Variants in PTPRD observed in about 807,000 individuals in gnomAD.
PTPRD encodes the protein receptor-type tyrosine-protein phosphatase delta.
PTPRD carries 34 observed loss-of-function variants against 214.5 expected under a neutral mutation model. The ratio of observed to expected loss-of-function variants is 0.16; its 90% CI spans 0.12 to 0.21. The LOEUF is 0.21. PTPRD is among the 10% of genes least tolerant of loss of function. The pLI is 1.00. For synonymous variants in PTPRD, 1,128 were observed against 845.7 expected, an observed-to-expected ratio of 1.33 and a Z score of -5.79; for missense variants, 2,545 against 2,398.7, an observed-to-expected ratio of 1.06 and a Z score of -1.27.
chr9:10,515,661 G>A (rs1045193286), intron 2 of PTPRD, among the ~76,000 whole-genome samples: 2 of 151,764 alleles, frequency 1.3e-5, no homozygotes, highest in African/African-American at 4.8e-5. Flanking sequence ...GTTAACTCTA[G>A]GCATGATATT....
At chr9:10,138,896 C>T (rs1386482191) in intron 3 of PTPRD, among the ~76,000 whole-genome samples, 1 of 151,946 alleles carries the variant, frequency 6.6e-6, no homozygotes, top group African/African-American at 2.4e-5. Context: ...AGGAACATAG[C>T]TCAAAATAAT....
intron 2 of PTPRD, among the ~76,000 whole-genome samples, chr9:10,363,221 G>A (rs2097430326): frequency 6.6e-6 from 1 of 152,146 alleles, no homozygotes; most frequent in African/African-American, 2.4e-5. Flanking sequence ...GAGGCCTGAA[G>A]TTCCACATTT....
intron 23 of PTPRD, among the ~76,000 whole-genome samples, chr9:8,503,499 T>A (rs1293490527): frequency 6.6e-6 from 1 of 152,098 alleles, no homozygotes; most frequent in East Asian, 1.9e-4. Context: ...TTAATAATAA[T>A]AAGCCACCAA....
At chr9:9,978,959 T>C (rs1382741877) in intron 4 of PTPRD, among the ~76,000 whole-genome samples, 1 of 151,990 alleles carries the variant, frequency 6.6e-6, no homozygotes, top group Non-Finnish European at 1.5e-5. Flanking sequence ...TCAGAAATCA[T>C]ACAAGCCAGA....
At chr9:10,302,002 T>C (rs564059130) in intron 3 of PTPRD, among the ~76,000 whole-genome samples, 1 of 151,946 alleles carries the variant, frequency 6.6e-6, no homozygotes, top group East Asian at 1.9e-4. Flanking sequence ...AAGGAAAAAA[T>C]GTTAAGGGCA....
At position 8,465,580 on chromosome 9, in the gene PTPRD, G is replaced by T. The variant is rs41281787; in HGVS notation, c.3600C>A (p.Pro1200=). 3,221 of 1,612,568 alleles carry T rather than the reference G, an allele frequency of 2.0e-3. 57 individuals carry two copies. The South Asian group carries it at 0.026, about 13-fold the overall frequency. The change falls in exon 32 of 46, where the codon CCC becomes CCA. Residue 1200 remains proline (P), a synonymous_variant. Coordinates refer to ENST00000381196, the MANE Select transcript of PTPRD (RefSeq NM_002839.4). ...PYIAAHFDVL[P]TEFTLGDDKH... is the part of the protein sequence containing the mutation. ...TGTCATCCCCCAGGGTGAACTCAGT[G>T]GGAAGGACATCAAAGTGAGCGGCAA...
At chr9:9,570,837 C>T (rs1016605473) in intron 8 of PTPRD, among the ~76,000 whole-genome samples, 1 of 151,516 alleles carries the variant, frequency 6.6e-6, no homozygotes, top group Admixed American at 6.6e-5. Flanking sequence ...ATCCCAAGCT[C>T]TTCAAATATC....
intron 42 of PTPRD, 27 bp from the exon 43 acceptor site, chr9:8,339,074 A>T (rs2132242991): frequency 6.2e-7 from 1 of 1,602,956 alleles, no homozygotes; most frequent in Non-Finnish European, 8.5e-7. Flanking sequence ...TTAATGTTAA[A>T]CTATGCAAAG....
intron 8 of PTPRD, among the ~76,000 whole-genome samples, chr9:9,539,374 T>C (rs1044372636): frequency 1.3e-5 from 2 of 151,810 alleles, no homozygotes; most frequent in African/African-American, 2.4e-5. Context: ...ATCGTGATAA[T>C]ATGGGAGGCT....
At chr9:9,282,310 T>C (rs1948006925) in intron 9 of PTPRD, among the ~76,000 whole-genome samples, 1 of 151,214 alleles carries the variant, frequency 6.6e-6, no homozygotes, top group African/African-American at 2.4e-5. Flanking sequence ...TGGGGCAGGA[T>C]ATGTAGGTGT....
chr9:9,484,274 C>T (rs1040663588), intron 8 of PTPRD, among the ~76,000 whole-genome samples: 3 of 151,614 alleles, frequency 2.0e-5, no homozygotes, highest in Admixed American at 2.0e-4. Flanking sequence ...CAAAAAATGT[C>T]ATTTTGAATG....
intron 2 of PTPRD, among the ~76,000 whole-genome samples, chr9:10,377,359 T>C (rs1007418055): frequency 1.3e-5 from 2 of 151,994 alleles, no homozygotes; most frequent in East Asian, 3.9e-4. Flanking sequence ...GTTACATATG[T>C]ATACATGTGC....
chr9:8,840,652 A>T (rs2097540459), intron 11 of PTPRD, among the ~76,000 whole-genome samples: 1 of 152,230 alleles, frequency 6.6e-6, no homozygotes, highest in African/African-American at 2.4e-5. Flanking sequence ...GTTTTTAATC[A>T]GAATGTGAAC....
At chr9:8,595,804 T>A (rs1022590790) in intron 14 of PTPRD, among the ~76,000 whole-genome samples, 1 of 152,208 alleles carries the variant, frequency 6.6e-6, no homozygotes, top group African/African-American at 2.4e-5. Flanking sequence ...GAAAAAGTAA[T>A]GATGCGTAAT....
intron 11 of PTPRD, among the ~76,000 whole-genome samples, chr9:8,762,596 G>A (rs750715543): frequency 6.6e-6 from 1 of 152,022 alleles, no homozygotes; most frequent in African/African-American, 2.4e-5. Context: ...CAGATGAACG[G>A]GCTCCTTCAA....
At chr9:8,369,364 G>T (rs1246397233) in intron 39 of PTPRD, among the ~76,000 whole-genome samples, 3 of 151,924 alleles carry the variant, frequency 2.0e-5, no homozygotes, top group African/African-American at 7.2e-5. Flanking sequence ...TATGAATATG[G>T]CCTACATAGT....
intron 9 of PTPRD, among the ~76,000 whole-genome samples, chr9:9,387,268 C>T (rs1376385051): frequency 2.0e-5 from 3 of 152,104 alleles, no homozygotes; most frequent in South Asian, 4.1e-4. Context: ...TTTAATAATA[C>T]AAGTTGGTTT....
chr9:9,688,540 C>T (rs1205794839), intron 7 of PTPRD, among the ~76,000 whole-genome samples: 1 of 151,770 alleles, frequency 6.6e-6, no homozygotes, highest in Non-Finnish European at 1.5e-5. Flanking sequence ...AGGTATACAA[C>T]AGTCATAAAT....
intron 3 of PTPRD, among the ~76,000 whole-genome samples, chr9:10,238,088 A>G (rs2099634959): frequency 6.6e-6 from 1 of 151,394 alleles, no homozygotes; most frequent in Non-Finnish European, 1.5e-5. Context: ...AAATAGAGCC[A>G]TTTTGTATTA....
Sources: gnomAD v4.1 joint callset for allele counts (sites outside exome capture counted in the v4.1 genomes callset) on GRCh38, gnomAD v4.1.1 for gene constraint, MANE v1.5 for transcripts, NCBI Gene and HGNC (gene_info 2026-07-23, HGNC 2026-07-21) for gene names.